Variants in RANBP2 observed in about 807,000 individuals in gnomAD.
The protein encoded by RANBP2 is E3 SUMO-protein ligase RanBP2.
A neutral mutation model predicts 303.6 loss-of-function variants in RANBP2; 57 were observed. That is an observed-to-expected ratio of 0.19 (90% confidence interval 0.15 to 0.23). RANBP2 has a LOEUF of 0.23. RANBP2 is among the 10% of genes least tolerant of loss of function. RANBP2 has a pLI of 1.00. For missense variants in RANBP2, 3,138 were observed against 3,780.8 expected, an observed-to-expected ratio of 0.83 and a Z score of 4.46; for synonymous variants, 1,167 against 1,301.5, an observed-to-expected ratio of 0.90 and a Z score of 2.23.
the RANBP2 span, among the ~76,000 whole-genome samples, chr2:108,808,006 T>A: frequency 5.3e-5 from 8 of 152,242 alleles, no homozygotes; most frequent in Non-Finnish European, 1.2e-4. Flanking sequence ...TATTATATTC[T>A]GTACTTCTGT....
At chr2:108,825,497 C>T in the RANBP2 span, among the ~76,000 whole-genome samples, 1 of 151,970 alleles carries the variant, frequency 6.6e-6, no homozygotes, top group Non-Finnish European at 1.5e-5. Context: ...CCTAGGCAAC[C>T]ACTAATCTGC....
chr2:108,992,773 A>T, the RANBP2 span, among the ~76,000 whole-genome samples: 1 of 152,170 alleles, frequency 6.6e-6, no homozygotes, highest in Non-Finnish European at 1.5e-5. Flanking sequence ...TGCAGCTTCA[A>T]ATTTGTCCCA....
chr2:108,899,553 AATTAC>A, the RANBP2 span, among the ~76,000 whole-genome samples: 1 of 152,256 alleles, frequency 6.6e-6, no homozygotes, highest in Non-Finnish European at 1.5e-5. Flanking sequence ...AAGTTTTCTG[AATTAC>A]ATTAGGCAGT....
chr2:108,954,984 G>A, the RANBP2 span, among the ~76,000 whole-genome samples: 49,935 of 151,908 alleles, frequency 0.33, 13,085 homozygotes, highest in East Asian at 0.95. Context: ...AGACCTGGCC[G>A]GGAAGATAAT....
At chr2:109,192,192 C>T in the RANBP2 span, among the ~76,000 whole-genome samples, 5 of 152,184 alleles carry the variant, frequency 3.3e-5, no homozygotes, top group Non-Finnish European at 5.9e-5. Flanking sequence ...CTCGTCCACT[C>T]CACAGGCTAC....
At chr2:109,300,476 A>G in the RANBP2 span, among the ~76,000 whole-genome samples, 3 of 152,262 alleles carry the variant, frequency 2.0e-5, no homozygotes, top group Admixed American at 2.0e-4. Context: ...CACTGCGCCC[A>G]TCCGCACCCT....
the RANBP2 span, among the ~76,000 whole-genome samples, chr2:109,008,186 T>C: frequency 1.2e-3 from 190 of 152,322 alleles, 3 homozygotes; most frequent in African/African-American, 4.4e-3. Flanking sequence ...TTTGATCCTG[T>C]GTTATAGTTA....
the RANBP2 span, among the ~76,000 whole-genome samples, chr2:109,687,054 A>G: frequency 6.6e-6 from 1 of 152,220 alleles, no homozygotes; most frequent in Non-Finnish European, 1.5e-5. Context: ...AGTCCCATAA[A>G]TGTTTTATAA....
chr2:109,668,350 T>TC, the RANBP2 span, among the ~76,000 whole-genome samples: 147,049 of 152,176 alleles, frequency 0.97, 71,228 homozygotes, highest in Non-Finnish European at 0.99. Flanking sequence ...GGGGTGAATG[T>TC]TAGTGGATTG....
At chr2:109,727,125 G>A in the RANBP2 span, among the ~76,000 whole-genome samples, 3 of 152,122 alleles carry the variant, frequency 2.0e-5, no homozygotes, top group Non-Finnish European at 2.9e-5. Context: ...ACCTAAACTG[G>A]TAGTTTCTAA....
the RANBP2 span, among the ~76,000 whole-genome samples, chr2:109,658,279 C>G: frequency 6.6e-6 from 1 of 151,264 alleles, no homozygotes; most frequent in Non-Finnish European, 1.5e-5. Flanking sequence ...AACCCTGTCT[C>G]TACTAAAAAT....
chr2:109,599,976 T>C, the RANBP2 span, among the ~76,000 whole-genome samples: 1 of 152,154 alleles, frequency 6.6e-6, no homozygotes, highest in African/African-American at 2.4e-5. Flanking sequence ...ATTCTGATTC[T>C]CCCTTCAAGC....
chr2:109,508,624 GTTCCAAAAAAAAAAAA>G, the RANBP2 span, among the ~76,000 whole-genome samples: 3 of 151,430 alleles, frequency 2.0e-5, no homozygotes, highest in African/African-American at 7.3e-5. Flanking sequence ...GTTCTGTAAT[GTTCCAAAAAAAAAAAA>G]TGGAAGCAGA....
the RANBP2 span, among the ~76,000 whole-genome samples, chr2:109,720,294 C>CATAT: frequency 1.4e-3 from 218 of 151,022 alleles, no homozygotes; most frequent in Non-Finnish European, 2.7e-3. Context: ...CACACACACA[C>CATAT]ATATATATAT....
chr2:108,877,566 A>T, the RANBP2 span, among the ~76,000 whole-genome samples: 1 of 149,252 alleles, frequency 6.7e-6, no homozygotes. Flanking sequence ...TGACAAGAAC[A>T]AACCAAAAGG....
the RANBP2 span, among the ~76,000 whole-genome samples, chr2:108,940,018 G>A: frequency 1.3e-5 from 2 of 152,232 alleles, no homozygotes; most frequent in Non-Finnish European, 2.9e-5. Context: ...ATCATTGAAA[G>A]ACACGCTACT....
the RANBP2 span, among the ~76,000 whole-genome samples, chr2:109,255,132 G>C: frequency 1.3e-5 from 2 of 152,186 alleles, no homozygotes; most frequent in African/African-American, 4.8e-5. Context: ...TTGTGTGTGT[G>C]TGTCTGTGTG....
At chr2:108,723,375 G>C (rs978058784) in intron 1 of RANBP2, among the ~76,000 whole-genome samples, 10 of 151,402 alleles carry the variant, frequency 6.6e-5, no homozygotes, top group African/African-American at 1.9e-4. Flanking sequence ...TGCCTCCCGG[G>C]TTCACACCAT....
At chr2:109,651,397 C>T in the RANBP2 span, among the ~76,000 whole-genome samples, 1 of 152,178 alleles carries the variant, frequency 6.6e-6, no homozygotes, top group Admixed American at 6.5e-5. Context: ...ATGACACCTA[C>T]TCCTGCTGCA....
Sources: allele counts gnomAD v4.1 joint callset (sites outside exome capture counted in the v4.1 genomes callset), GRCh38; gene constraint gnomAD v4.1.1; transcripts MANE v1.5; gene names NCBI Gene and HGNC (gene_info 2026-07-23, HGNC 2026-07-21).